RORA: variants seen among roughly 807,000 people sequenced by gnomAD.
RORA encodes the protein RAR related orphan receptor A.
A neutral mutation model predicts 69.5 loss-of-function variants in RORA; 7 were observed. The observed-to-expected ratio is 0.10, with a 90% confidence interval of 0.06 to 0.19. The LOEUF is 0.19. Ranked by LOEUF, RORA falls within the 10% of genes least tolerant of loss-of-function variation. The probability of loss-of-function intolerance (pLI) is 1.00; values close to 1 mark genes in which losing one functional copy is unlikely to be tolerated. For synonymous variants in RORA, 261 were observed against 240.8 expected, an observed-to-expected ratio of 1.08 and a Z score of -0.78; for missense variants, 457 against 663.0, an observed-to-expected ratio of 0.69 and a Z score of 3.41.
chr15:61,123,758 C>T (rs1190794948), intron 1 of RORA, among the ~76,000 whole-genome samples: 2 of 149,568 alleles, frequency 1.3e-5, no homozygotes, highest in Non-Finnish European at 3.0e-5. Context: ...CCAGCAGAGG[C>T]CTAAGCCAGA....
At chr15:61,142,302 A>G (rs2140864044) in intron 1 of RORA, among the ~76,000 whole-genome samples, 1 of 152,268 alleles carries the variant, frequency 6.6e-6, no homozygotes, top group East Asian at 1.9e-4. Context: ...TCAGGAAGAT[A>G]CCTATTAGCC....
chr15:61,206,472 T>C (rs2079942685), intron 1 of RORA, among the ~76,000 whole-genome samples: 1 of 152,180 alleles, frequency 6.6e-6, no homozygotes. Context: ...ACATCCCTGT[T>C]CTCAAGGATC....
At chr15:61,186,703 G>A (rs964823529) in intron 1 of RORA, among the ~76,000 whole-genome samples, 2 of 145,560 alleles carry the variant, frequency 1.4e-5, no homozygotes, top group African/African-American at 2.5e-5. Flanking sequence ...TCATGGCACT[G>A]TCCCCTGGGA....
chr15:60,925,808 C>T (rs773610761), intron 1 of RORA, among the ~76,000 whole-genome samples: 1 of 152,186 alleles, frequency 6.6e-6, no homozygotes, highest in African/African-American at 2.4e-5. Context: ...TCTGCTGGTA[C>T]TCAGGACAGT....
chr15:60,928,321 T>C (rs942585757), intron 1 of RORA, among the ~76,000 whole-genome samples: 3 of 152,200 alleles, frequency 2.0e-5, no homozygotes, highest in African/African-American at 7.2e-5. Context: ...TGAGGGTTTC[T>C]TCCAAGGGAC....
chr15:60,599,429 T>C (rs1259749862), intron 2 of RORA, among the ~76,000 whole-genome samples: 1 of 152,176 alleles, frequency 6.6e-6, no homozygotes, highest in Non-Finnish European at 1.5e-5. Context: ...CAGGTGCCTG[T>C]AATCTCAGCT....
At chr15:60,822,557 G>C (rs572908191) in intron 1 of RORA, among the ~76,000 whole-genome samples, 9 of 152,178 alleles carry the variant, frequency 5.9e-5, no homozygotes, top group Non-Finnish European at 1.3e-4. Flanking sequence ...ATTGCAACTG[G>C]GGATTTGTGA....
At position 60,653,717 on chromosome 15, in the gene RORA, G is replaced by A. The variant is rs1216674921; in HGVS notation, c.196+24940C>T. Among the ~76,000 whole-genome samples, 4 of 152,048 alleles carry A rather than the reference G, an allele frequency of 2.6e-5. No homozygotes were observed. The East Asian group carries it at 5.8e-4, about 22-fold the overall frequency. The stretch of plus-strand genomic sequence containing the variant: ...TTTCATGGCACTGTCTACTTTCAGA[G>A]GCTTTCTCAGCTCAGAGTCCGACTG... On this transcript the variant is annotated intron_variant, in intron 2 of 10. Coordinates refer to ENST00000335670, the MANE Select transcript of RORA (RefSeq NM_134261.3).
intron 1 of RORA, among the ~76,000 whole-genome samples, chr15:60,707,424 C>T (rs1427752602): frequency 1.3e-5 from 2 of 151,414 alleles, no homozygotes; most frequent in Admixed American, 1.3e-4. Flanking sequence ...AGTGCAATGG[C>T]GTGATCTCGG....
intron 1 of RORA, among the ~76,000 whole-genome samples, chr15:61,163,802 T>C (rs1278528849): frequency 1.3e-5 from 2 of 152,156 alleles, no homozygotes; most frequent in Non-Finnish European, 2.9e-5. Context: ...TGAGAGCCTT[T>C]TACACACAAA....
intron 1 of RORA, among the ~76,000 whole-genome samples, chr15:61,042,193 A>G (rs910245495): frequency 1.3e-5 from 2 of 152,356 alleles, no homozygotes; most frequent in Admixed American, 1.3e-4. Flanking sequence ...TTTTCCAAGC[A>G]TGACAAATCA....
intron 1 of RORA, among the ~76,000 whole-genome samples, chr15:61,115,958 G>T (rs1274083199): frequency 6.6e-6 from 1 of 152,188 alleles, no homozygotes; most frequent in Non-Finnish European, 1.5e-5. Flanking sequence ...TAGGGGACAA[G>T]ATGAATTGGA....
intron 1 of RORA, among the ~76,000 whole-genome samples, chr15:60,933,179 C>G (rs1892423708): frequency 6.6e-6 from 1 of 152,186 alleles, no homozygotes; most frequent in South Asian, 2.1e-4. Flanking sequence ...GATGATCATA[C>G]TAATCTTCCA....
intron 3 of RORA, among the ~76,000 whole-genome samples, chr15:60,516,197 T>TTATATATATATTTATATATATATTTA (rs2065937285): frequency 7.6e-5 from 1 of 13,216 alleles, no homozygotes; most frequent in African/African-American, 3.9e-4. Context: ...ATATATATAT[T>TTATATATATATTTATATATATATTTA]TATATATATA....
chr15:61,081,651 CA>C (rs1484072147), intron 1 of RORA, among the ~76,000 whole-genome samples: 2 of 151,392 alleles, frequency 1.3e-5, no homozygotes, highest in East Asian at 1.9e-4. Flanking sequence ...ACTAAAAATT[CA>C]AAAAAATTAG....
At chr15:60,634,417 T>C (rs916152299) in intron 2 of RORA, among the ~76,000 whole-genome samples, 3 of 151,866 alleles carry the variant, frequency 2.0e-5, no homozygotes, top group African/African-American at 4.8e-5. Context: ...TTTTTTTTCT[T>C]TTTTTTGAGC....
intron 1 of RORA, among the ~76,000 whole-genome samples, chr15:61,223,442 T>C (rs556168769): frequency 3.5e-4 from 53 of 152,212 alleles, no homozygotes; most frequent in African/African-American, 1.2e-3. Flanking sequence ...AATCAACTAA[T>C]TGAATTTCTA....
intron 1 of RORA, among the ~76,000 whole-genome samples, chr15:60,986,133 T>G (rs570362957): frequency 2.8e-4 from 42 of 152,012 alleles, no homozygotes; most frequent in African/African-American, 8.4e-4. Flanking sequence ...TCAACTGATT[T>G]CTTCTTTTTT....
In RORA at chr15:60,492,361, G is replaced by T. The variant is rs186767866; in HGVS notation, c.*5094C>A. 36 of 152,218 alleles carry T rather than the reference G, an allele frequency of 2.4e-4. No individual in the cohort carries two copies. Among genetic ancestry groups the T allele is most frequent in the African/African-American group, 8.4e-4 (35 of 41,542 alleles). The allele number at this position is 152,218 out of a possible 1,614,324, so 9.4% of individuals were successfully genotyped here. A position where few individuals can be genotyped will look rare whatever the true frequency, so the allele number is the denominator to read the frequency against. On this transcript the variant is annotated 3_prime_UTR_variant, in exon 11 of 11. Transcript: ENST00000335670. ...TGGCTCGAGTTGCTGCTGTCATACAGGCAGGTTTTGTTTTGTCTTTAAACA... is the reference window on the plus strand; with the variant it reads ...TGGCTCGAGTTGCTGCTGTCATACATGCAGGTTTTGTTTTGTCTTTAAACA...
Sources: allele counts gnomAD v4.1 joint callset (sites outside exome capture counted in the v4.1 genomes callset), GRCh38; gene constraint gnomAD v4.1.1; transcripts MANE v1.5; gene names NCBI Gene and HGNC (gene_info 2026-07-23, HGNC 2026-07-21).